DAB1: variants seen among roughly 807,000 people sequenced by gnomAD.
DAB1 encodes DAB adaptor protein 1.
DAB1 carries 15 observed loss-of-function variants against 64.6 expected under a neutral mutation model. That is an observed-to-expected ratio of 0.23 (90% CI 0.16 to 0.36). The LOEUF is 0.36. DAB1 is among the 10% of genes least tolerant of loss of function. The pLI, the probability that DAB1 is intolerant of heterozygous loss-of-function variation, is 1.00. For synonymous variants in DAB1, 235 were observed against 251.9 expected (o/e 0.93, Z 0.64); for missense variants, 596 against 706.7 (o/e 0.84, Z 1.78).
At chr1:57,931,377 G>A (rs1366158000) in intron 5 of DAB1, among the ~76,000 whole-genome samples, 1 of 152,170 alleles carries the variant, frequency 6.6e-6, no homozygotes, top group Non-Finnish European at 1.5e-5. Context: ...CATAAAATGA[G>A]TTGGGAAATA....
intron 5 of DAB1, among the ~76,000 whole-genome samples, chr1:57,906,348 T>C (rs1305109177): frequency 6.6e-6 from 1 of 152,158 alleles, no homozygotes; most frequent in Non-Finnish European, 1.5e-5. Flanking sequence ...ATTACCTTCA[T>C]TGAACATGAG....
In DAB1 at chr1:57,315,917, T is replaced by C. The variant is rs537804537; in HGVS notation, c.-136-24751A>G. On this transcript the variant is annotated intron_variant, in intron 1 of 14. Transcript: ENST00000371236. ...ATTGTAAGTACAGGTATAGCAGCTA[T>C]AGAGACCCTATTTATTAAGTGTCTA... is the stretch of plus-strand genomic sequence containing the variant. Among the ~76,000 whole-genome samples, 6 of 152,346 alleles carry C rather than the reference T, an allele frequency of 3.9e-5. No homozygotes were observed. The South Asian group carries it at 6.2e-4, about 16-fold the overall frequency.
chr1:58,406,795 G>A (rs1184474179), intron 3 of DAB1, among the ~76,000 whole-genome samples: 1 of 151,934 alleles, frequency 6.6e-6, no homozygotes, highest in African/African-American at 2.4e-5. Context: ...TAGTGGCTGA[G>A]TTTAATGAAA....
At chr1:57,263,847 G>A (rs12725012) in intron 2 of DAB1, among the ~76,000 whole-genome samples, 1 of 152,158 alleles carries the variant, frequency 6.6e-6, no homozygotes. Flanking sequence ...AAAATGGTTA[G>A]GTGACTTACT....
intron 6 of DAB1, among the ~76,000 whole-genome samples, chr1:57,660,831 A>T (rs1646377911): frequency 6.6e-6 from 1 of 152,146 alleles, no homozygotes; most frequent in Admixed American, 6.5e-5. Context: ...TCAGCTTCAG[A>T]GCTTCCCACG....
At chr1:57,183,721 A>C (rs1663229110) in intron 2 of DAB1, among the ~76,000 whole-genome samples, 1 of 152,196 alleles carries the variant, frequency 6.6e-6, no homozygotes, top group Admixed American at 6.5e-5. Context: ...ACTATATGGG[A>C]AAGTAATTTT....
intron 3 of DAB1, among the ~76,000 whole-genome samples, chr1:58,503,414 A>T (rs1569905342): frequency 6.6e-6 from 1 of 152,148 alleles, no homozygotes; most frequent in East Asian, 1.9e-4. Flanking sequence ...TATCAGGTAA[A>T]TTTCACTGCT....
At chr1:58,152,297 G>A (rs1466009096) in intron 4 of DAB1, among the ~76,000 whole-genome samples, 1 of 152,150 alleles carries the variant, frequency 6.6e-6, no homozygotes, top group Non-Finnish European at 1.5e-5. Context: ...TCTTGGGCAA[G>A]TATTTGCCTA....
At chr1:57,067,626 T>TA (rs777758201) in intron 8 of DAB1, among the ~76,000 whole-genome samples, 15 of 152,206 alleles carry the variant, frequency 9.9e-5, no homozygotes, top group Non-Finnish European at 1.6e-4. Flanking sequence ...CCTGCTTCTC[T>TA]AAAAAAATCA....
intron 5 of DAB1, among the ~76,000 whole-genome samples, chr1:58,095,381 C>G (rs1053906926): frequency 6.6e-6 from 1 of 152,100 alleles, no homozygotes; most frequent in African/African-American, 2.4e-5. Context: ...AAGTACTATC[C>G]GCATTCTACA....
intron 6 of DAB1, among the ~76,000 whole-genome samples, chr1:57,708,581 T>G (rs929224614): frequency 6.6e-6 from 1 of 152,228 alleles, no homozygotes; most frequent in African/African-American, 2.4e-5. Context: ...GCCACTTCAG[T>G]TAGTCAGTGG....
At chr1:58,056,700 T>C (rs1648131756) in intron 5 of DAB1, among the ~76,000 whole-genome samples, 1 of 152,186 alleles carries the variant, frequency 6.6e-6, no homozygotes, top group Non-Finnish European at 1.5e-5. Context: ...GACTACACCA[T>C]GGGCTCTCTT....
At position 57,185,678 on chromosome 1, in the gene DAB1, G is replaced by C. The variant is rs144348583; in HGVS notation, c.68-40249C>G. 1.4e-3 allele frequency among the ~76,000 whole-genome samples: 215 copies of C among 152,250 alleles called. 3 individuals carry two copies. The highest frequency in any genetic ancestry group is 5.0e-3 in the African/African-American group (207 of 41,550). On this transcript the variant is annotated intron_variant, in intron 2 of 14. Transcript: ENST00000371236. ...AGCAGTATTAGCGCAGATGGAAGGT[G>C]GTACTCAGACACTGAACTAACAATG... is the stretch of plus-strand genomic sequence containing the variant.
chr1:57,691,027 T>C (rs1168703356), intron 6 of DAB1, among the ~76,000 whole-genome samples: 2 of 152,180 alleles, frequency 1.3e-5, no homozygotes, highest in African/African-American at 2.4e-5. Context: ...TTGAGTTCCT[T>C]ATATATTAAG....
chr1:57,726,680 T>C (rs1000920883), intron 6 of DAB1, among the ~76,000 whole-genome samples: 2 of 152,234 alleles, frequency 1.3e-5, no homozygotes, highest in East Asian at 1.9e-4. Flanking sequence ...ACAACCTTAA[T>C]TTCTATTCTT....
chr1:57,247,005 G>A (rs935007664), intron 2 of DAB1, among the ~76,000 whole-genome samples: 1 of 152,198 alleles, frequency 6.6e-6, no homozygotes, highest in Non-Finnish European at 1.5e-5. Flanking sequence ...CAGGCTCACA[G>A]GCAGAAGGAC....
chr1:57,209,506 C>A (rs1337227033), intron 2 of DAB1, among the ~76,000 whole-genome samples: 3 of 152,160 alleles, frequency 2.0e-5, no homozygotes, highest in Non-Finnish European at 4.4e-5. Flanking sequence ...TTTACCTAAT[C>A]ACAAGAAAAG....
At chr1:57,694,861 A>T (rs1646805218) in intron 6 of DAB1, among the ~76,000 whole-genome samples, 1 of 152,036 alleles carries the variant, frequency 6.6e-6, no homozygotes, top group Non-Finnish European at 1.5e-5. Context: ...TACACATCAC[A>T]TTATTTTGTT....
chr1:57,176,844 T>C (rs1662367521), intron 2 of DAB1, among the ~76,000 whole-genome samples: 1 of 151,922 alleles, frequency 6.6e-6, no homozygotes. Context: ...GCGGTTTATC[T>C]ATCTTTCTAA....
Sources: gnomAD v4.1 joint callset for allele counts (sites outside exome capture counted in the v4.1 genomes callset) on GRCh38, gnomAD v4.1.1 for gene constraint, MANE v1.5 for transcripts, NCBI Gene and HGNC (gene_info 2026-07-23, HGNC 2026-07-21) for gene names.